RASGRF1: variants seen among roughly 807,000 people sequenced by gnomAD.
RASGRF1 encodes the protein ras-specific guanine nucleotide-releasing factor 1.
Under a neutral mutation model 138.7 loss-of-function variants are expected in RASGRF1, and 40 were observed. The observed-to-expected ratio is 0.29, with a 90% CI of 0.22 to 0.38. The LOEUF (loss-of-function observed/expected upper bound fraction) is 0.38, where lower values mean the gene tolerates loss of function less well. Among genes scored for constraint, RASGRF1 ranks in the 10% least tolerant of loss-of-function variants. The pLI is 1.00. For missense variants in RASGRF1, 1,108 were observed against 1,650.4 expected, an observed-to-expected ratio of 0.67 and a Z score of 5.69; for synonymous variants, 614 against 663.2, an observed-to-expected ratio of 0.93 and a Z score of 1.14.
At chr15:78,985,290 C>T in intron 22 of RASGRF1, 86 bp from the exon 23 acceptor site, 1 of 1,326,026 alleles carries the variant, frequency 7.5e-7, no homozygotes. Context: ...ATATGATTGC[C>T]TGCTTGAAAA....
intron 24 of RASGRF1, among the ~76,000 whole-genome samples, chr15:78,977,114 A>G (rs2055888468): frequency 6.6e-6 from 1 of 152,096 alleles, no homozygotes; most frequent in Admixed American, 6.5e-5. Flanking sequence ...TGCTGGCAAG[A>G]GGCAGCTGCC....
chr15:79,015,108 T>A (rs1271102409), intron 13 of RASGRF1, among the ~76,000 whole-genome samples: 7 of 150,910 alleles, frequency 4.6e-5, no homozygotes, highest in Admixed American at 3.3e-4. Flanking sequence ...AAATAAAAAA[T>A]TTAAAAAAAA....
intron 13 of RASGRF1, among the ~76,000 whole-genome samples, chr15:79,014,925 AAAAAAC>A (rs1567520809): frequency 0.16 from 3,951 of 23,982 alleles, 193 homozygotes; most frequent in African/African-American, 0.31. Context: ...TCAAAAAAAC[AAAAAAC>A]AAAAAACAAA....
At chr15:79,035,085 T>G in intron 6 of RASGRF1, 46 bp downstream of exon 6, 1 of 1,527,402 alleles carries the variant, frequency 6.5e-7, no homozygotes, top group Non-Finnish European at 9.0e-7. Context: ...GGGTGGCCCC[T>G]GGAGGGGGAC....
chr15:79,080,528 A>G (rs914293323), intron 1 of RASGRF1, among the ~76,000 whole-genome samples: 5 of 152,260 alleles, frequency 3.3e-5, no homozygotes, highest in African/African-American at 1.2e-4. Flanking sequence ...ATAGTCTCAC[A>G]GGAAAAGTTC....
chr15:79,090,678 A>G lies in RASGRF1; in HGVS notation c.-180T>C, dbSNP rs1026339242. 9.7e-6 allele frequency: 8 copies of G among 820,686 alleles called. No individual in the cohort carries two copies. The Admixed American group carries it at 1.2e-4, about 12-fold the overall frequency. 50.8% of individuals were successfully genotyped at this position (820,686 alleles called of 1,614,324 possible). A position where few individuals can be genotyped will look rare whatever the true frequency, so the allele number is the denominator to read the frequency against. On this transcript the variant is annotated 5_prime_UTR_variant, in exon 1 of 27. Transcript: ENST00000558480. ...CGCCGAGCCGCGGCTTCTTGAATCC[A>G]GATATACCATTCCCCGCTGGAACCT...
Position 78,962,213 on chromosome 15 carries a change from T to C in RASGRF1, c.3705A>G (p.Gln1235=), listed in dbSNP as rs757193239. 1.9e-6 allele frequency: 3 copies of C among 1,579,976 alleles called. No homozygotes were observed. In the South Asian group the frequency reaches 3.4e-5, roughly 18 times the overall value. ...QAKVTQYLLD[Q]SFVMDEESLY... is the part of the protein sequence containing the mutation. ...GGCTTTCTTCATCCATTACAAAAGA[T>C]TGGTCCAGTAAATATTGCGTTACCT... The change falls in exon 27 of 27, where the codon CAA becomes CAG. Residue 1235 remains glutamine (Q), a synonymous_variant. Transcript: ENST00000558480.
At chr15:78,992,755 C>T (rs140129379) in intron 20 of RASGRF1, among the ~76,000 whole-genome samples, 33 of 152,332 alleles carry the variant, frequency 2.2e-4, no homozygotes, top group Non-Finnish European at 3.5e-4. Context: ...CCAGAAGTCC[C>T]GGCTGGGCTG....
At chr15:79,064,338 C>T (rs2057647687) in intron 2 of RASGRF1, 82 bp downstream of exon 2, 4 of 1,346,344 alleles carry the variant, frequency 3.0e-6, no homozygotes, top group South Asian at 1.3e-5. Context: ...TGGGGCTTGG[C>T]TTTGTTCAAA....
intron 12 of RASGRF1, 64 bp from the exon 13 acceptor site, chr15:79,015,473 G>A (rs1388967151): frequency 1.4e-6 from 2 of 1,437,670 alleles, no homozygotes; most frequent in African/African-American, 2.8e-5. Flanking sequence ...CCCACCAGGA[G>A]CTCTGCCAAC....
At chr15:79,070,823 A>G (rs1435356370) in intron 1 of RASGRF1, among the ~76,000 whole-genome samples, 2 of 152,264 alleles carry the variant, frequency 1.3e-5, no homozygotes, top group East Asian at 3.9e-4. Flanking sequence ...CTTGGCTAGT[A>G]TGGGCTTGGG....
chr15:79,057,687 T>G (rs908775798), intron 3 of RASGRF1, among the ~76,000 whole-genome samples: 3 of 152,206 alleles, frequency 2.0e-5, no homozygotes, highest in East Asian at 1.9e-4. Flanking sequence ...GCTGTTAAAC[T>G]GTAGATTCCA....
At chr15:79,069,960 C>T (rs1407370284) in intron 1 of RASGRF1, among the ~76,000 whole-genome samples, 1 of 152,210 alleles carries the variant, frequency 6.6e-6, no homozygotes, top group Non-Finnish European at 1.5e-5. Flanking sequence ...ATGCACCATT[C>T]ACCCAAATGG....
In RASGRF1 at chr15:78,960,795, G is replaced by C. The variant is rs1244962361; in HGVS notation, c.*1349C>G. ...CAAACTGTTGGTGCCTAAAAAGCAG[G>C]TATGGTGTCCTTGACACTCTGGATC... On this transcript the variant is annotated 3_prime_UTR_variant, in exon 27 of 27. Coordinates refer to ENST00000558480, the MANE Select transcript of RASGRF1 (RefSeq NM_001145648.3). 6.6e-6 allele frequency: 1 copy of C among 152,222 alleles called. No individual in the cohort carries two copies. The highest frequency in any genetic ancestry group is 2.4e-5 in the African/African-American group (1 of 41,448). 9.4% of individuals were successfully genotyped at this position (152,222 alleles called of 1,614,324 possible). A position where few individuals can be genotyped will look rare whatever the true frequency, so the allele number is the denominator to read the frequency against.
At chr15:79,084,564 A>G (rs911964444) in intron 1 of RASGRF1, among the ~76,000 whole-genome samples, 8 of 152,224 alleles carry the variant, frequency 5.3e-5, no homozygotes, top group African/African-American at 1.9e-4. Flanking sequence ...GAGCTTCTGC[A>G]CATGCCGTTT....
At position 78,973,095 on chromosome 15, in the gene RASGRF1, C is replaced by T. The variant is rs565997370; in HGVS notation, c.3612+208G>A. Among the ~76,000 whole-genome samples, 28 of 152,242 alleles carry T rather than the reference C, an allele frequency of 1.8e-4. 1 individual carries two copies. The highest frequency in any genetic ancestry group is 1.5e-3 in the South Asian group (7 of 4,816). On this transcript the variant is annotated intron_variant, in intron 25 of 26. Transcript: ENST00000558480. This position sits in a 1 kb window ranked among gnomAD's most constrained non-coding sequence, Gnocchi z 4.9. ...CTGTCAGGACTAGAGGAGGAAATGC[C>T]GGTGAAAGCATGGCTCAGGGCCTGC...
chr15:79,054,874 A>C (rs2057489420), intron 3 of RASGRF1, among the ~76,000 whole-genome samples: 1 of 152,176 alleles, frequency 6.6e-6, no homozygotes, highest in Non-Finnish European at 1.5e-5. Context: ...AGGAGAGTGG[A>C]GTTTGAAAGC....
chr15:79,061,396 T>C (rs2057602545), intron 2 of RASGRF1, among the ~76,000 whole-genome samples: 1 of 78,516 alleles, frequency 1.3e-5, no homozygotes. Flanking sequence ...AATAGAAAAT[T>C]AGAACACTAT....
chr15:79,001,786 G>A lies in RASGRF1; in HGVS notation c.2451C>T (p.Ser817=). The part of the protein sequence containing the change: ...PEDPSALSKQ[S]SEVSMREESD... ...ACTCCTCTCTCATGGAGACTTCTGA[G>A]CCTGGGAGAAAAGAAATAAATAATT... The change falls in exon 16 of 27, where the codon AGC becomes AGT. Residue 817 remains serine (S), a splice_region_variant and synonymous_variant. Coordinates refer to ENST00000558480, the MANE Select transcript of RASGRF1 (RefSeq NM_001145648.3). The A allele has an allele frequency of 1.4e-6, 2 of 1,436,426 alleles. No homozygotes were observed. The highest frequency in any genetic ancestry group is 1.8e-6 in the Non-Finnish European group (2 of 1,084,028). The allele number at this position is 1,436,426 out of a possible 1,614,324, so 89.0% of individuals were successfully genotyped here. A position where few individuals can be genotyped will look rare whatever the true frequency, so the allele number is the denominator to read the frequency against.
Sources: gnomAD v4.1 joint callset for allele counts (sites outside exome capture counted in the v4.1 genomes callset) on GRCh38, gnomAD v4.1.1 for gene constraint, Gnocchi (gnomAD v3.1) non-coding constraint, MANE v1.5 for transcripts, NCBI Gene and HGNC (gene_info 2026-07-23, HGNC 2026-07-21) for gene names.